PRKCQ: variants seen among roughly 807,000 people sequenced by gnomAD.
The protein encoded by PRKCQ is protein kinase C theta.
A neutral mutation model predicts 91.2 loss-of-function variants in PRKCQ; 41 were observed. The observed-to-expected ratio is 0.45, with a 90% CI of 0.35 to 0.58. The LOEUF (loss-of-function observed/expected upper bound fraction) is 0.58, where lower values mean the gene tolerates loss of function less well. Among genes scored for constraint, PRKCQ ranks in the 20% least tolerant of loss-of-function variants. The pLI is 0.00. For synonymous variants in PRKCQ, 307 were observed against 316.9 expected (o/e 0.97, Z 0.33); for missense variants, 673 against 896.5 (o/e 0.75, Z 3.18).
At chr10:6,496,704 TCACTCTGTTGCCCAGACTGGAGTG>T (rs1461495989) in intron 7 of PRKCQ, among the ~76,000 whole-genome samples, 20 of 152,034 alleles carry the variant, frequency 1.3e-4, no homozygotes, top group Admixed American at 3.3e-4. Flanking sequence ...AGATGGAGTC[TCACTCTGTTGCCCAGACTGGAGTG>T]CGGTGGCATG....
chr10:6,442,568 GC>G (rs922924176), intron 15 of PRKCQ, among the ~76,000 whole-genome samples: 1 of 152,182 alleles, frequency 6.6e-6, no homozygotes, highest in African/African-American at 2.4e-5. Flanking sequence ...TTAAAGCCTT[GC>G]TATCTATGGC....
At chr10:6,514,889 C>T in intron 2 of PRKCQ, 129 bp downstream of exon 2, 8 of 1,464,072 alleles carry the variant, frequency 5.5e-6, no homozygotes, top group Non-Finnish European at 6.5e-6. Context: ...TGCTGGGCAT[C>T]AGCGTCCTAA....
chr10:6,489,450 A>G (rs1285439557), intron 8 of PRKCQ: 2 of 532,156 alleles, frequency 3.8e-6, no homozygotes, highest in Middle Eastern at 3.2e-4. Flanking sequence ...TTGGATGACT[A>G]TTTTCTTGGG....
intron 9 of PRKCQ, 82 bp from the exon 10 acceptor site, chr10:6,485,351 G>C (rs538626835): frequency 1.8e-6 from 2 of 1,089,014 alleles, no homozygotes; most frequent in Admixed American, 3.4e-5. Flanking sequence ...GGGGACAAAG[G>C]CCATTTAAAA....
At chr10:6,547,593 C>T (rs990933354) in intron 1 of PRKCQ, among the ~76,000 whole-genome samples, 1 of 150,288 alleles carries the variant, frequency 6.7e-6, no homozygotes, top group Non-Finnish European at 1.5e-5. Flanking sequence ...CTACAACTAT[C>T]TGATCTTTGA....
At chr10:6,408,046 G>GTTTT in the PRKCQ span, among the ~76,000 whole-genome samples, 40 of 84,214 alleles carry the variant, frequency 4.7e-4, 2 homozygotes, top group African/African-American at 2.1e-3. Context: ...TCTTGTGTCA[G>GTTTT]TTTTTTTTTT....
At chr10:6,453,225 A>G (rs1193293868) in intron 15 of PRKCQ, among the ~76,000 whole-genome samples, 1 of 152,126 alleles carries the variant, frequency 6.6e-6, no homozygotes, top group African/African-American at 2.4e-5. Flanking sequence ...ACAAATTTAC[A>G]AGAAAAAAAC....
chr10:6,576,728 T>TA lies in PRKCQ; in HGVS notation c.-10+3482dup, dbSNP rs1468447893. Among the ~76,000 whole-genome samples, 2 of 152,142 alleles carry TA rather than the reference T, an allele frequency of 1.3e-5. No homozygotes were observed. The highest frequency in any genetic ancestry group is 3.9e-4 in the East Asian group (2 of 5,192). ...TAAGTTATGTGTATTTTAACCACAA[T>TA]AAAAAAGTTAACTGGTAGGTCACCT... On this transcript the variant is annotated intron_variant, in intron 1 of 17. Transcript: ENST00000263125. The surrounding 1 kb of genome is among the most constrained non-coding windows in gnomAD (Gnocchi z 4.2).
intron 16 of PRKCQ, among the ~76,000 whole-genome samples, chr10:6,437,347 G>T (rs1833746945): frequency 6.6e-6 from 1 of 152,178 alleles, no homozygotes; most frequent in African/African-American, 2.4e-5. Context: ...TCTCTCTGCT[G>T]TAAGGACACA....
intron 16 of PRKCQ, among the ~76,000 whole-genome samples, chr10:6,439,751 CAT>C (rs1226229096): frequency 1.3e-5 from 2 of 152,018 alleles, no homozygotes; most frequent in Non-Finnish European, 2.9e-5. Flanking sequence ...ACATATAACA[CAT>C]GTGTTAATTG....
chr10:6,447,406 CAAA>C (rs151312430), intron 15 of PRKCQ, among the ~76,000 whole-genome samples: 2 of 119,558 alleles, frequency 1.7e-5, no homozygotes. Context: ...GACTCCACCT[CAAA>C]AAAAAAAAAA....
At chr10:6,404,255 G>GAGAGAGAGAGAGAGT in the PRKCQ span, among the ~76,000 whole-genome samples, 1 of 34,360 alleles carries the variant, frequency 2.9e-5, no homozygotes, top group African/African-American at 8.4e-5. Flanking sequence ...GAAGGGGGGG[G>GAGAGAGAGAGAGAGT]GAGAGAGAGA....
the PRKCQ span, among the ~76,000 whole-genome samples, chr10:6,417,016 A>G: frequency 6.6e-6 from 1 of 152,326 alleles, no homozygotes; most frequent in African/African-American, 2.4e-5. Flanking sequence ...TAAATTCACC[A>G]TCCTAGACAC....
chr10:6,569,677 G>A (rs554550114), intron 1 of PRKCQ, among the ~76,000 whole-genome samples: 1 of 152,278 alleles, frequency 6.6e-6, no homozygotes, highest in South Asian at 2.1e-4. Context: ...CAGAGGAATT[G>A]GGGTGAGTGA....
In PRKCQ at chr10:6,438,651, AGTGGTGTGATCATGGCTCATT is replaced by A. The variant is rs1833814520; in HGVS notation, c.1836+3221_1836+3241del. ...TGCTCTGTCACCTAGGCTGGAGTGCAGTGGTGTGATCATGGCTCATTGTAACCTCCACCTTGTGGGCTCAAG... is the reference window on the plus strand; with the variant it reads ...TGCTCTGTCACCTAGGCTGGAGTGCAGTAACCTCCACCTTGTGGGCTCAAG... On this transcript the variant is annotated intron_variant, in intron 16 of 17. Coordinates refer to ENST00000263125, the MANE Select transcript of PRKCQ (RefSeq NM_006257.5). Among the ~76,000 whole-genome samples, 4 of 152,016 alleles carry A rather than the reference AGTGGTGTGATCATGGCTCATT, an allele frequency of 2.6e-5. No homozygotes were observed. The South Asian group carries it at 8.3e-4, about 32-fold the overall frequency.
At chr10:6,439,422 A>G (rs1396657715) in intron 16 of PRKCQ, among the ~76,000 whole-genome samples, 1 of 152,118 alleles carries the variant, frequency 6.6e-6, no homozygotes, top group Non-Finnish European at 1.5e-5. Flanking sequence ...TTTTAAGTGC[A>G]ATTGACCCTT....
chr10:6,524,763 G>C (rs1839136460), intron 1 of PRKCQ, among the ~76,000 whole-genome samples: 1 of 152,204 alleles, frequency 6.6e-6, no homozygotes, highest in Admixed American at 6.5e-5. Context: ...GGAGGGAGGA[G>C]GGAGGAGGGT....
chr10:6,443,443 A>T (rs1472126569), intron 15 of PRKCQ, among the ~76,000 whole-genome samples: 2 of 152,234 alleles, frequency 1.3e-5, no homozygotes, highest in Non-Finnish European at 2.9e-5. Context: ...GGATACAGAA[A>T]CTGTGCTATA....
At chr10:6,416,812 C>G in the PRKCQ span, among the ~76,000 whole-genome samples, 100 of 152,272 alleles carry the variant, frequency 6.6e-4, no homozygotes, top group Admixed American at 6.5e-3. Flanking sequence ...AGTGGTTGTA[C>G]TAGTTTACAT....
Sources: allele counts gnomAD v4.1 joint callset (sites outside exome capture counted in the v4.1 genomes callset), GRCh38; gene constraint gnomAD v4.1.1; non-coding constraint Gnocchi (gnomAD v3.1); transcripts MANE v1.5; gene names NCBI Gene and HGNC (gene_info 2026-07-23, HGNC 2026-07-21).